EIF4G3: variants seen among roughly 807,000 people sequenced by gnomAD.
EIF4G3 encodes the protein eukaryotic translation initiation factor 4 gamma 3, also known as eIF-4-gamma 3.
EIF4G3 carries 34 observed loss-of-function variants against 186.4 expected under a neutral mutation model. The ratio of observed to expected loss-of-function variants is 0.18; its 90% confidence interval spans 0.14 to 0.24. The LOEUF is 0.24. EIF4G3 is among the 10% of genes least tolerant of loss of function. The probability of loss-of-function intolerance (pLI) is 1.00; values close to 1 mark genes in which losing one functional copy is unlikely to be tolerated. For missense variants in EIF4G3, 1,536 were observed against 1,948.5 expected (o/e 0.79, Z 3.99); for synonymous variants, 673 against 679.5 (o/e 0.99, Z 0.15).
intron 2 of EIF4G3, among the ~76,000 whole-genome samples, chr1:21,127,610 C>A (rs1447013212): frequency 6.6e-6 from 1 of 152,158 alleles, no homozygotes; most frequent in Non-Finnish European, 1.5e-5. Flanking sequence ...GTGCATAAGG[C>A]CATTCTGGCT....
chr1:20,843,629 C>A (rs544422687), intron 29 of EIF4G3, among the ~76,000 whole-genome samples: 2 of 152,276 alleles, frequency 1.3e-5, no homozygotes, highest in Admixed American at 1.3e-4. Flanking sequence ...GGTCAATTAG[C>A]TATATCATGA....
rs34197724 is a variant in EIF4G3, at chr1:21,176,231, T to TGCCGCCGCCGCCGCCGCCGCCGCC, written c.-352_-329dup. 10 of 337,036 alleles carry TGCCGCCGCCGCCGCCGCCGCCGCC rather than the reference T, an allele frequency of 3.0e-5. No homozygotes were observed. The highest frequency in any genetic ancestry group is 1.5e-4 in the Admixed American group (3 of 20,312). The allele number at this position is 337,036 out of a possible 1,614,324, so 20.9% of individuals were successfully genotyped here. A position where few individuals can be genotyped will look rare whatever the true frequency, so the allele number is the denominator to read the frequency against. On this transcript the variant is annotated 5_prime_UTR_variant, in exon 2 of 37. Transcript: ENST00000602326. ...TGTTCGGGTGAGGAGGGGGGACCGCTGCCGCCGCCGCCGCCGCCGCCGCCG... is the reference window on the plus strand; with the variant it reads ...TGTTCGGGTGAGGAGGGGGGACCGCTGCCGCCGCCGCCGCCGCCGCCGCCGCCGCCGCCGCCGCCGCCGCCGCCG...
At chr1:20,964,570 TCTC>T (rs2074192686) in intron 12 of EIF4G3, among the ~76,000 whole-genome samples, 1 of 152,188 alleles carries the variant, frequency 6.6e-6, no homozygotes, top group Non-Finnish European at 1.5e-5. Flanking sequence ...TCCTCTCCAT[TCTC>T]CTCACAGAAA....
intron 2 of EIF4G3, among the ~76,000 whole-genome samples, chr1:21,104,120 C>A (rs781761775): frequency 2.0e-5 from 3 of 152,178 alleles, no homozygotes; most frequent in Admixed American, 6.5e-5. Context: ...ACAATGCCGG[C>A]TACATGACAT....
At chr1:21,039,653 A>G (rs952763735) in intron 4 of EIF4G3, among the ~76,000 whole-genome samples, 5 of 152,160 alleles carry the variant, frequency 3.3e-5, no homozygotes, top group Non-Finnish European at 7.3e-5. Context: ...ACAGAATGAG[A>G]CCTGTCTCAA....
At chr1:20,891,803 A>AG (rs902787468) in intron 18 of EIF4G3, among the ~76,000 whole-genome samples, 3 of 151,394 alleles carry the variant, frequency 2.0e-5, no homozygotes, top group African/African-American at 7.3e-5. Context: ...AAAAAAAAAA[A>AG]GGGTATAAAA....
chr1:20,937,380 C>A lies in EIF4G3; in HGVS notation c.1663+4111G>T, dbSNP rs192417522. On this transcript the variant is annotated intron_variant, in intron 14 of 36. Coordinates refer to ENST00000602326, the MANE Select transcript of EIF4G3 (RefSeq NM_001391906.1). The stretch of plus-strand genomic sequence containing the variant: ...AGATTTAGTTCTAACAAACATTAAA[C>A]CCAGATTTAGTTCCAGCAAATGCTT... 4.7e-4 allele frequency among the ~76,000 whole-genome samples: 72 copies of A among 152,268 alleles called. 1 individual carries two copies. Among genetic ancestry groups the A allele is most frequent in the Non-Finnish European group, 1.6e-4 (11 of 68,006 alleles).
intron 24 of EIF4G3, among the ~76,000 whole-genome samples, chr1:20,858,319 T>C (rs2075533688): frequency 1.3e-5 from 2 of 152,180 alleles, no homozygotes; most frequent in South Asian, 4.1e-4. Flanking sequence ...AGGCCCTTCT[T>C]AGGTTCAGCT....
intron 2 of EIF4G3, among the ~76,000 whole-genome samples, chr1:21,135,270 C>T (rs1422222034): frequency 2.0e-5 from 3 of 152,152 alleles, no homozygotes; most frequent in South Asian, 2.1e-4. Flanking sequence ...GAGACCAAGG[C>T]GGGTGGATCA....
intron 14 of EIF4G3, among the ~76,000 whole-genome samples, chr1:20,932,248 T>A (rs369278955): frequency 1.3e-5 from 2 of 152,310 alleles, no homozygotes; most frequent in African/African-American, 4.8e-5. Flanking sequence ...GGCACTGTTT[T>A]GGATGAGGCT....
intron 28 of EIF4G3, among the ~76,000 whole-genome samples, 192 bp from the exon 29 acceptor site, chr1:20,849,722 A>G (rs1393510910): frequency 1.3e-5 from 2 of 152,230 alleles, no homozygotes; most frequent in Non-Finnish European, 2.9e-5. Context: ...ATCTACAATA[A>G]CAATGAACAA....
intron 2 of EIF4G3, among the ~76,000 whole-genome samples, chr1:21,092,201 AG>A (rs1414576818): frequency 6.6e-6 from 1 of 152,220 alleles, no homozygotes; most frequent in Non-Finnish European, 1.5e-5. Flanking sequence ...TTTAGCATGA[AG>A]GGCTGTTGAA....
intron 24 of EIF4G3, among the ~76,000 whole-genome samples, chr1:20,858,869 C>T (rs909301267): frequency 3.3e-5 from 5 of 152,166 alleles, no homozygotes; most frequent in South Asian, 4.2e-4. Context: ...TGGTGGTGGG[C>T]GCCTGTAATC....
At chr1:21,159,104 T>C (rs531681932) in intron 2 of EIF4G3, among the ~76,000 whole-genome samples, 1 of 152,254 alleles carries the variant, frequency 6.6e-6, no homozygotes, top group East Asian at 1.9e-4. Flanking sequence ...AGAACACGAT[T>C]GTCGGGGAAC....
At chr1:21,134,980 C>G (rs1046830821) in intron 2 of EIF4G3, among the ~76,000 whole-genome samples, 5 of 152,028 alleles carry the variant, frequency 3.3e-5, no homozygotes, top group African/African-American at 1.2e-4. Flanking sequence ...CACTTTACAT[C>G]TGCCTAAAAC....
intron 4 of EIF4G3, among the ~76,000 whole-genome samples, chr1:21,024,221 G>A (rs2091602566): frequency 1.3e-5 from 2 of 149,842 alleles, no homozygotes; most frequent in Non-Finnish European, 1.5e-5. Flanking sequence ...GGGAGGTGGG[G>A]GTTCAGCCCC....
At position 20,857,162 on chromosome 1, in the gene EIF4G3, CAAAA is replaced by C. The variant is rs577290987; in HGVS notation, c.3339+237_3339+240del. On this transcript the variant is annotated intron_variant, in intron 25 of 36. Transcript: ENST00000602326. ...TGGGCGACAGAGTGAGACTCCATCT[CAAAA>C]AAAAAAAAAAAAAGAAAATGTAGAA... Among the ~76,000 whole-genome samples, 3 of 47,360 alleles carry C rather than the reference CAAAA, an allele frequency of 6.3e-5. 1 individual carries two copies. In the South Asian group the frequency reaches 3.7e-3, roughly 59 times the overall value. The allele number at this position is 47,360 out of a possible 152,430, so 31.1% of individuals were successfully genotyped here.
At chr1:20,984,385 C>T (rs980978135) in intron 7 of EIF4G3, among the ~76,000 whole-genome samples, 5 of 151,834 alleles carry the variant, frequency 3.3e-5, no homozygotes, top group African/African-American at 9.7e-5. Flanking sequence ...AGGCTGGTCT[C>T]GAATACCTGA....
intron 2 of EIF4G3, among the ~76,000 whole-genome samples, chr1:21,136,688 C>A (rs553355682): frequency 6.6e-6 from 1 of 152,254 alleles, no homozygotes; most frequent in African/African-American, 2.4e-5. Context: ...ATGGTATGAA[C>A]CATCACAATA....
Sources: gnomAD v4.1 joint callset for allele counts (sites outside exome capture counted in the v4.1 genomes callset) on GRCh38, gnomAD v4.1.1 for gene constraint, MANE v1.5 for transcripts, NCBI Gene and HGNC (gene_info 2026-07-23, HGNC 2026-07-21) for gene names.